The following TATDN3 variants were observed in gnomAD, a reference collection of about 807,000 sequenced individuals.
The protein encoded by TATDN3 is deoxyribonuclease TATDN3.
A neutral mutation model predicts 40.1 loss-of-function variants in TATDN3; 29 were observed. The observed-to-expected ratio is 0.72, with a 90% CI of 0.54 to 0.99. The LOEUF (loss-of-function observed/expected upper bound fraction) is 0.99, where lower values mean the gene tolerates loss of function less well. TATDN3 is among the 50% of genes least tolerant of loss of function. The pLI, the probability that TATDN3 is intolerant of heterozygous loss-of-function variation, is 0.00. For synonymous variants in TATDN3, 105 were observed against 117.0 expected (o/e 0.90, Z 0.66); for missense variants, 309 against 321.9 (o/e 0.96, Z 0.31).
intron 3 of TATDN3, 21 bp from the exon 4 acceptor site, chr1:212,797,091 C>A: frequency 6.3e-7 from 1 of 1,592,342 alleles, no homozygotes; most frequent in Non-Finnish European, 8.6e-7. Flanking sequence ...CCTGCTTTCT[C>A]AGTTGGTTCT....
intron 8 of TATDN3, among the ~76,000 whole-genome samples, chr1:212,809,250 G>A (rs949895513): frequency 6.6e-6 from 1 of 152,174 alleles, no homozygotes; most frequent in Non-Finnish European, 1.5e-5. Flanking sequence ...TAATGGGTAT[G>A]GGATTTCTTT....
chr1:212,796,873 T>A (rs6540766), intron 3 of TATDN3: 314,313 of 483,018 alleles, frequency 0.65, 103,811 homozygotes, highest in Non-Finnish European at 0.69. Flanking sequence ...AGTAGCTGGG[T>A]CTAAAGCATG....
chr1:212,794,140 G>A (rs570456383), intron 1 of TATDN3, among the ~76,000 whole-genome samples: 158 of 152,192 alleles, frequency 1.0e-3, no homozygotes, highest in African/African-American at 3.6e-3. Context: ...AATTAGCTGG[G>A]CATGGCAGCA....
At chr1:212,811,742 G>A (rs1662891229) in intron 8 of TATDN3, among the ~76,000 whole-genome samples, 1 of 150,978 alleles carries the variant, frequency 6.6e-6, no homozygotes, top group Non-Finnish European at 1.5e-5. Flanking sequence ...TTGCTCTGCT[G>A]CCCAGTCTGG....
intron 1 of TATDN3, 72 bp from the exon 2 acceptor site, chr1:212,795,023 C>A: frequency 8.1e-7 from 1 of 1,235,848 alleles, no homozygotes; most frequent in South Asian, 1.2e-5. Context: ...GCCACAACTA[C>A]ATTGACATAT....
rs1296604614 is a variant in TATDN3 at position 212,816,483 on chromosome 1, C to T, written c.*1327C>T. On this transcript the variant is annotated 3_prime_UTR_variant, in exon 10 of 10. Transcript: ENST00000366974. ...AATTTTATGTTATGTGTATTTACTA[C>T]AATTTTTTAAAAATCGTATATGTAG... is the stretch of plus-strand genomic sequence containing the variant. The T allele has an allele frequency of 6.6e-6, 1 of 152,064 alleles. No individual in the cohort carries two copies. Among genetic ancestry groups the T allele is most frequent in the African/African-American group, 2.4e-5 (1 of 41,392 alleles). The allele number at this position is 152,064 out of a possible 1,614,324, so 9.4% of individuals were successfully genotyped here. A position where few individuals can be genotyped will look rare whatever the true frequency, so the allele number is the denominator to read the frequency against.
At chr1:212,796,805 T>C (rs1571949797) in intron 3 of TATDN3, 2 of 484,138 alleles carry the variant, frequency 4.1e-6, no homozygotes, top group South Asian at 4.2e-5. Context: ...TGGCGCAATG[T>C]TGGCTCACTG....
At chr1:212,800,352 G>A (rs1662092602) in intron 4 of TATDN3, among the ~76,000 whole-genome samples, 1 of 151,272 alleles carries the variant, frequency 6.6e-6, no homozygotes, top group Non-Finnish European at 1.5e-5. Context: ...TAATTAATAT[G>A]CCAACAGTAT....
At position 212,816,467 on chromosome 1, in the gene TATDN3, TTA is replaced by T. The variant is rs1434876276; in HGVS notation, c.*1313_*1314del. On this transcript the variant is annotated 3_prime_UTR_variant, in exon 10 of 10. Coordinates refer to ENST00000366974, the MANE Select transcript of TATDN3 (RefSeq NM_001042552.3). ...ATAACGAATTAGGATAAATTTTATG[TTA>T]TGTGTATTTACTACAATTTTTTAAA... 3 of 151,938 alleles carry T rather than the reference TTA, an allele frequency of 2.0e-5. No individual in the cohort carries two copies. The highest frequency in any genetic ancestry group is 2.9e-5 in the Non-Finnish European group (2 of 68,026). The allele number at this position is 151,938 out of a possible 1,614,324, so 9.4% of individuals were successfully genotyped here.
At chr1:212,803,105 G>A (rs1482736763) in intron 5 of TATDN3, among the ~76,000 whole-genome samples, 2 of 151,432 alleles carry the variant, frequency 1.3e-5, no homozygotes, top group East Asian at 3.9e-4. Context: ...ACTTTAAATG[G>A]GCTAGAGTTT....
At position 212,802,681 on chromosome 1, in the gene TATDN3, T is replaced by C. The variant is rs1662239466; in HGVS notation, c.259-20T>C. The C allele has an allele frequency of 6.3e-7, 1 of 1,576,132 alleles. No homozygotes were observed. On this transcript the variant is annotated intron_variant, in intron 4 of 9. Coordinates refer to ENST00000366974, the MANE Select transcript of TATDN3 (RefSeq NM_001042552.3). Reference sequence around the variant, plus strand: ...CAGTTCCTTTCTTCCATTTTAACAATTTTACTTTTTTTCTCCCAGGATTTG... The same window carrying C: ...CAGTTCCTTTCTTCCATTTTAACAACTTTACTTTTTTTCTCCCAGGATTTG...
rs186603704 is a variant in TATDN3 at position 212,809,027 on chromosome 1, A to G, written c.600+1179A>G. 2.1e-3 allele frequency among the ~76,000 whole-genome samples: 313 copies of G among 152,374 alleles called. 2 individuals are homozygous for G. Among genetic ancestry groups the G allele is most frequent in the Middle Eastern group, 6.8e-3 (2 of 294 alleles). On this transcript the variant is annotated intron_variant, in intron 8 of 9. Transcript: ENST00000366974. ...TATAAAGTCATAAAAAGGAATGAAG[A>G]GGAATAAAGTCATGAAAAGAAATGA...
intron 9 of TATDN3, 104 bp from the exon 10 acceptor site, chr1:212,814,909 C>T: frequency 1.6e-6 from 2 of 1,277,766 alleles, no homozygotes; most frequent in Non-Finnish European, 2.1e-6. Flanking sequence ...TAAAAAGGAG[C>T]CCATCAGTTG....
chr1:212,804,479 T>C, intron 6 of TATDN3, 50 bp downstream of exon 6: 3 of 1,562,374 alleles, frequency 1.9e-6, no homozygotes, highest in East Asian at 2.2e-5. Flanking sequence ...AATTAAATAA[T>C]GATCAGAGTT....
intron 1 of TATDN3, chr1:212,792,954 AAAGAC>A (rs1661454666): frequency 6.6e-6 from 1 of 152,330 alleles, no homozygotes; most frequent in Admixed American, 6.5e-5. Flanking sequence ...TTAAGGCTGA[AAAGAC>A]AAGGAGCCAC....
chr1:212,792,083 T>G, intron 1 of TATDN3, 96 bp downstream of exon 1: 1 of 1,248,382 alleles, frequency 8.0e-7, no homozygotes, highest in East Asian at 2.5e-5. Context: ...CGAAACCCCA[T>G]ATCCCCCGCC....
At chr1:212,806,749 T>TATAA (rs1662506063) in intron 7 of TATDN3, among the ~76,000 whole-genome samples, 1 of 40,208 alleles carries the variant, frequency 2.5e-5, no homozygotes, top group Non-Finnish European at 4.0e-5. Context: ...TCTCTCTCCA[T>TATAA]ATATATATAT....
rs532076594 is a variant in TATDN3, at chr1:212,793,685, TAG to T, written c.67-1402_67-1401del. Among the ~76,000 whole-genome samples, 378 of 152,242 alleles carry T rather than the reference TAG, an allele frequency of 2.5e-3. 1 individual carries two copies. Among genetic ancestry groups the T allele is most frequent in the Non-Finnish European group, 2.5e-3 (169 of 68,014 alleles). On this transcript the variant is annotated intron_variant, in intron 1 of 9. Coordinates refer to ENST00000366974, the MANE Select transcript of TATDN3 (RefSeq NM_001042552.3). ...GAATACATGGATTCAAGATACATTT[TAG>T]AGAGAGAATCCACAGTAAGTACTGA...
intron 7 of TATDN3, among the ~76,000 whole-genome samples, chr1:212,805,780 T>C (rs761830983): frequency 1.3e-5 from 2 of 152,212 alleles, no homozygotes; most frequent in African/African-American, 4.8e-5. Context: ...TTACATCTTA[T>C]GGCATTATTT....
Sources: gnomAD v4.1 joint callset for allele counts (sites outside exome capture counted in the v4.1 genomes callset) on GRCh38, gnomAD v4.1.1 for gene constraint, MANE v1.5 for transcripts, NCBI Gene and HGNC (gene_info 2026-07-23, HGNC 2026-07-21) for gene names.